Variants in PHF24 observed in about 807,000 individuals in gnomAD.
The protein encoded by PHF24 is PHD finger protein 24.
In PHF24, 25 loss-of-function variants were observed where a neutral mutation model predicts 42.6. That is an observed-to-expected ratio of 0.59 (90% CI 0.43 to 0.82). The LOEUF is 0.82. Ranked by LOEUF, PHF24 falls within the 40% of genes least tolerant of loss-of-function variation. The pLI is 0.00. For missense variants in PHF24, 470 were observed against 538.1 expected (o/e 0.87, Z 1.25); for synonymous variants, 185 against 204.8 (o/e 0.90, Z 0.83).
At chr9:34,693,091 G>A in the PHF24 span, among the ~76,000 whole-genome samples, 4 of 152,168 alleles carry the variant, frequency 2.6e-5, no homozygotes, top group African/African-American at 7.2e-5. Context: ...GTGAGCCACC[G>A]TGCCTGGCCT....
the PHF24 span, among the ~76,000 whole-genome samples, chr9:34,867,335 T>G: frequency 6.6e-6 from 1 of 152,230 alleles, no homozygotes; most frequent in East Asian, 1.9e-4. Flanking sequence ...TGTTTGCTTC[T>G]TTTATAAACA....
the PHF24 span, among the ~76,000 whole-genome samples, chr9:34,672,039 A>C: frequency 3.3e-5 from 5 of 152,336 alleles, no homozygotes; most frequent in Admixed American, 1.3e-4. Flanking sequence ...ATGATACTTA[A>C]GTGCCAGGCA....
At chr9:34,904,826 A>C in the PHF24 span, among the ~76,000 whole-genome samples, 1 of 138,060 alleles carries the variant, frequency 7.2e-6, no homozygotes, top group East Asian at 2.1e-4. Context: ...CAGGGTACCT[A>C]ATTCTTCCTG....
chr9:34,856,150 A>G, the PHF24 span, among the ~76,000 whole-genome samples: 2 of 151,950 alleles, frequency 1.3e-5, no homozygotes, highest in African/African-American at 4.8e-5. Context: ...TCTAAGCTGG[A>G]TATTCTGGTT....
intron 1 of PHF24, among the ~76,000 whole-genome samples, chr9:34,969,143 C>T (rs998559785): frequency 6.6e-6 from 1 of 152,234 alleles, no homozygotes; most frequent in Non-Finnish European, 1.5e-5. Context: ...TGCAGGGCCT[C>T]ACAGGCCACA....
the PHF24 span, among the ~76,000 whole-genome samples, chr9:34,855,853 T>C: frequency 3.9e-5 from 6 of 152,242 alleles, no homozygotes; most frequent in Non-Finnish European, 7.3e-5. Context: ...CTGGATGATA[T>C]CCTGAAGCAT....
the PHF24 span, among the ~76,000 whole-genome samples, chr9:34,890,894 T>C: frequency 3.3e-5 from 5 of 151,856 alleles, no homozygotes; most frequent in African/African-American, 1.2e-4. Flanking sequence ...AGAACACTTG[T>C]ACGTTATCTA....
At chr9:34,925,041 A>G in the PHF24 span, among the ~76,000 whole-genome samples, 8 of 152,200 alleles carry the variant, frequency 5.3e-5, no homozygotes, top group Non-Finnish European at 1.2e-4. Flanking sequence ...TGTAAGGCCT[A>G]GTGGTAATGA....
the PHF24 span, among the ~76,000 whole-genome samples, chr9:34,911,224 ATATT>A: frequency 6.6e-6 from 1 of 151,816 alleles, no homozygotes; most frequent in Non-Finnish European, 1.5e-5. Flanking sequence ...TGAATAAACT[ATATT>A]TATAGGGTTT....
At chr9:34,802,118 G>T in the PHF24 span, among the ~76,000 whole-genome samples, 22 of 152,288 alleles carry the variant, frequency 1.4e-4, no homozygotes, top group Non-Finnish European at 2.6e-4. Flanking sequence ...TGAGAGAGTA[G>T]AATGGGTATC....
At chr9:34,882,193 G>C in the PHF24 span, among the ~76,000 whole-genome samples, 1 of 152,116 alleles carries the variant, frequency 6.6e-6, no homozygotes, top group Non-Finnish European at 1.5e-5. Context: ...CAATAAATTA[G>C]GTATTGATGG....
At chr9:34,785,893 T>A in the PHF24 span, among the ~76,000 whole-genome samples, 1 of 152,188 alleles carries the variant, frequency 6.6e-6, no homozygotes, top group African/African-American at 2.4e-5. Context: ...GGAACATAAT[T>A]AGATATTGGA....
At position 34,976,137 on chromosome 9, in the gene PHF24, C is replaced by T. The variant is rs1258614920; in HGVS notation, c.565-15C>T. ...GGCCTGTATGGCCACCGACTCAGCT[C>T]TTCCTTATTTTCAGGACAACATCAA... On this transcript the variant is annotated splice_polypyrimidine_tract_variant and intron_variant, in intron 3 of 7. Transcript: ENST00000242315. 6.2e-6 allele frequency: 10 copies of T among 1,608,718 alleles called. No individual in the cohort carries two copies. The South Asian group carries it at 6.6e-5, about 11-fold the overall frequency.
At chr9:34,672,660 C>G in the PHF24 span, among the ~76,000 whole-genome samples, 192 of 152,136 alleles carry the variant, frequency 1.3e-3, no homozygotes, top group African/African-American at 4.4e-3. Context: ...TAGGAAGCCT[C>G]TAGTCCCACA....
the PHF24 span, among the ~76,000 whole-genome samples, chr9:34,757,548 C>G: frequency 6.6e-6 from 1 of 152,086 alleles, no homozygotes; most frequent in Non-Finnish European, 1.5e-5. Flanking sequence ...TTCTACGAAT[C>G]TGGTGGAACA....
chr9:34,878,917 C>T, the PHF24 span, among the ~76,000 whole-genome samples: 6 of 152,166 alleles, frequency 3.9e-5, no homozygotes, highest in Non-Finnish European at 8.8e-5. Context: ...ACTGCCTCCT[C>T]AAGTGGGTCC....
chr9:34,893,993 A>G, the PHF24 span, among the ~76,000 whole-genome samples: 1 of 152,198 alleles, frequency 6.6e-6, no homozygotes, highest in Non-Finnish European at 1.5e-5. Flanking sequence ...GGATAAGATG[A>G]TAGGCTGCCA....
At chr9:34,837,800 C>T in the PHF24 span, 2 of 773,018 alleles carry the variant, frequency 2.6e-6, no homozygotes, top group South Asian at 3.2e-5. Context: ...TTCTATATAT[C>T]TATCTGTATT....
chr9:34,740,458 C>G, the PHF24 span, among the ~76,000 whole-genome samples: 1 of 152,240 alleles, frequency 6.6e-6, no homozygotes, highest in Non-Finnish European at 1.5e-5. Flanking sequence ...CCCAGTACAC[C>G]CTCCACAGCC....
Sources: allele counts gnomAD v4.1 joint callset (sites outside exome capture counted in the v4.1 genomes callset), GRCh38; gene constraint gnomAD v4.1.1; transcripts MANE v1.5; gene names NCBI Gene and HGNC (gene_info 2026-07-23, HGNC 2026-07-21).